The following ADAMTS17 variants were observed in gnomAD, a reference collection of about 807,000 sequenced individuals.
ADAMTS17 encodes the protein ADAM metallopeptidase with thrombospondin type 1 motif 17.
Under a neutral mutation model 141.5 loss-of-function variants are expected in ADAMTS17, and 113 were observed. The observed-to-expected ratio is 0.80, with a 90% CI of 0.69 to 0.93. ADAMTS17 has a LOEUF of 0.93. Among genes scored for constraint, ADAMTS17 ranks in the 40% least tolerant of loss-of-function variants. ADAMTS17 has a pLI of 0.00. For missense variants in ADAMTS17, 1,659 were observed against 1,517.9 expected (o/e 1.09, Z -1.54); for synonymous variants, 768 against 630.6 (o/e 1.22, Z -3.27).
intron 8 of ADAMTS17, among the ~76,000 whole-genome samples, chr15:100,191,561 G>A (rs968287283): frequency 8.5e-5 from 13 of 152,214 alleles, no homozygotes; most frequent in Non-Finnish European, 1.6e-4. Flanking sequence ...CCTCGCATGA[G>A]ACTCCACATC....
intron 2 of ADAMTS17, among the ~76,000 whole-genome samples, chr15:100,335,026 T>A (rs2141972470): frequency 6.6e-6 from 1 of 152,000 alleles, no homozygotes; most frequent in Admixed American, 6.6e-5. Flanking sequence ...CCATCCTCCA[T>A]CGCCTCTCAG....
rs375314495 is a variant in ADAMTS17 at position 99,973,844 on chromosome 15, G to A, written c.*558C>T. On this transcript the variant is annotated 3_prime_UTR_variant, in exon 22 of 22. Transcript: ENST00000268070. ...ATTTAGAGACTATGTTCTCAGAGAC[G>A]GGCATGGAGGCAACGTCCTGGTTCT... 6.4e-5 allele frequency: 12 copies of A among 186,430 alleles called. No homozygotes were observed. The highest frequency in any genetic ancestry group is 2.8e-4 in the East Asian group (2 of 7,254). The allele number at this position is 186,430 out of a possible 1,614,324, so 11.5% of individuals were successfully genotyped here.
chr15:100,262,342 G>C lies in ADAMTS17; in HGVS notation c.873+10C>G. ...TTCTGCTTGCTTGAAAGGTGCCTGT[G>C]GGGACTTACGGGACGTTGTCGTAGC... is the stretch of plus-strand genomic sequence containing the variant. On this transcript the variant is annotated intron_variant, in intron 5 of 21. Coordinates refer to ENST00000268070, the MANE Select transcript of ADAMTS17 (RefSeq NM_139057.4). 6.2e-7 allele frequency: 1 copy of C among 1,612,874 alleles called. No individual in the cohort carries two copies. Among genetic ancestry groups the C allele is most frequent in the Admixed American group, 1.7e-5 (1 of 59,970 alleles).
At chr15:100,282,154 T>C (rs2044306872) in intron 3 of ADAMTS17, among the ~76,000 whole-genome samples, 1 of 152,214 alleles carries the variant, frequency 6.6e-6, no homozygotes, top group South Asian at 2.1e-4. Context: ...GAAACATCTC[T>C]GACCAACACA....
At chr15:100,171,994 A>C (rs969392773) in intron 8 of ADAMTS17, among the ~76,000 whole-genome samples, 2 of 152,192 alleles carry the variant, frequency 1.3e-5, no homozygotes, top group Non-Finnish European at 2.9e-5. Context: ...ATCAGAGGCA[A>C]GCAGACCCAC....
intron 6 of ADAMTS17, among the ~76,000 whole-genome samples, chr15:100,259,939 G>A (rs12907804): frequency 0.021 from 3,209 of 152,258 alleles, 48 homozygotes; most frequent in Middle Eastern, 0.071. Flanking sequence ...CTGCCTCCCC[G>A]GTTCAAGCAA....
At chr15:99,986,744 A>C (rs543513818) in intron 20 of ADAMTS17, among the ~76,000 whole-genome samples, 1 of 152,334 alleles carries the variant, frequency 6.6e-6, no homozygotes, top group East Asian at 1.9e-4. Flanking sequence ...AAATCATGCT[A>C]TCTAGAAAGA....
At chr15:100,107,519 G>A (rs948700335) in intron 14 of ADAMTS17, among the ~76,000 whole-genome samples, 4 of 152,178 alleles carry the variant, frequency 2.6e-5, no homozygotes, top group African/African-American at 4.8e-5. Context: ...CCTGGGTGCT[G>A]TGGTCTGAAT....
At chr15:100,092,134 G>A (rs2035507048) in intron 15 of ADAMTS17, among the ~76,000 whole-genome samples, 1 of 152,246 alleles carries the variant, frequency 6.6e-6, no homozygotes, top group African/African-American at 2.4e-5. Flanking sequence ...TTTTCTGCCA[G>A]AGCACACGGT....
chr15:100,206,625 C>T (rs1172616146), intron 7 of ADAMTS17, among the ~76,000 whole-genome samples: 1 of 152,156 alleles, frequency 6.6e-6, no homozygotes. Context: ...CTGGGGAAAG[C>T]TGGGGTTTTA....
intron 7 of ADAMTS17, among the ~76,000 whole-genome samples, chr15:100,215,913 T>C (rs920522012): frequency 3.3e-5 from 5 of 152,066 alleles, no homozygotes; most frequent in African/African-American, 9.7e-5. Flanking sequence ...ACCAAGACTG[T>C]GCTTACAAGA....
intron 13 of ADAMTS17, among the ~76,000 whole-genome samples, chr15:100,114,603 G>A (rs1376882989): frequency 1.3e-5 from 2 of 152,182 alleles, no homozygotes; most frequent in Non-Finnish European, 2.9e-5. Flanking sequence ...CTTCAAACGC[G>A]AGATACTTAC....
At chr15:100,094,049 T>G (rs1223866167) in intron 15 of ADAMTS17, among the ~76,000 whole-genome samples, 1 of 151,640 alleles carries the variant, frequency 6.6e-6, no homozygotes, top group Non-Finnish European at 1.5e-5. Context: ...TCCACATGGA[T>G]GTGGGCTCGT....
chr15:100,124,573 G>A (rs1423052846), intron 12 of ADAMTS17, among the ~76,000 whole-genome samples: 1 of 152,218 alleles, frequency 6.6e-6, no homozygotes, highest in Non-Finnish European at 1.5e-5. Flanking sequence ...CTGTTATGTG[G>A]TCACACATGC....
chr15:99,974,022 G>A lies in ADAMTS17; in HGVS notation c.*380C>T. On this transcript the variant is annotated 3_prime_UTR_variant, in exon 22 of 22. Transcript: ENST00000268070. ...AGCCTTTTCTAGCATGTCTCGTTTTGGGGATGTTTCCTCCATGATATACCA... is the reference window on the plus strand; with the variant it reads ...AGCCTTTTCTAGCATGTCTCGTTTTAGGGATGTTTCCTCCATGATATACCA... 1 of 336,186 alleles carries A rather than the reference G, an allele frequency of 3.0e-6. No homozygotes were observed. Among genetic ancestry groups the A allele is most frequent in the Admixed American group, 4.5e-5 (1 of 22,338 alleles). 20.8% of individuals were successfully genotyped at this position (336,186 alleles called of 1,614,324 possible). A position where few individuals can be genotyped will look rare whatever the true frequency, so the allele number is the denominator to read the frequency against.
At chr15:100,188,763 G>A (rs542329585) in intron 8 of ADAMTS17, among the ~76,000 whole-genome samples, 8 of 152,270 alleles carry the variant, frequency 5.3e-5, no homozygotes, top group East Asian at 1.9e-4. Context: ...GAAACCTAGC[G>A]TCAAATTCCA....
At chr15:100,302,194 C>G (rs2045063918) in intron 3 of ADAMTS17, among the ~76,000 whole-genome samples, 1 of 152,176 alleles carries the variant, frequency 6.6e-6, no homozygotes, top group Admixed American at 6.5e-5. Context: ...TGTCTGGTTT[C>G]TTTCACTTTC....
At chr15:100,004,286 C>G (rs2060991052) in intron 18 of ADAMTS17, among the ~76,000 whole-genome samples, 1 of 152,172 alleles carries the variant, frequency 6.6e-6, no homozygotes, top group African/African-American at 2.4e-5. Flanking sequence ...CTGATCTTGA[C>G]AAATCTCAAT....
At chr15:100,164,427 C>T (rs1044211087) in intron 8 of ADAMTS17, among the ~76,000 whole-genome samples, 11 of 152,014 alleles carry the variant, frequency 7.2e-5, no homozygotes, top group South Asian at 2.1e-4. Flanking sequence ...ATTTGTTGAA[C>T]GCCTTCTGCA....
Sources: gnomAD v4.1 joint callset for allele counts (sites outside exome capture counted in the v4.1 genomes callset) on GRCh38, gnomAD v4.1.1 for gene constraint, MANE v1.5 for transcripts, NCBI Gene and HGNC (gene_info 2026-07-23, HGNC 2026-07-21) for gene names.